Variants in ANO9 observed in about 807,000 individuals in gnomAD.
ANO9 encodes the protein anoctamin 9.
ANO9 carries 80 observed loss-of-function variants against 100.5 expected under a neutral mutation model. The observed-to-expected ratio is 0.80, with a 90% CI of 0.66 to 0.96. The LOEUF is 0.96. Ranked by LOEUF, ANO9 falls within the 40% of genes least tolerant of loss-of-function variation. ANO9 has a pLI of 0.00. For missense variants in ANO9, 1,064 were observed against 1,072.7 expected, an observed-to-expected ratio of 0.99 and a Z score of 0.11; for synonymous variants, 473 against 435.6, an observed-to-expected ratio of 1.09 and a Z score of -1.07.
Position 421,117 on chromosome 11 carries a change from G to A in ANO9, c.1392+24C>T. On this transcript the variant is annotated intron_variant, in intron 16 of 22. Coordinates refer to ENST00000332826, the MANE Select transcript of ANO9 (RefSeq NM_001012302.3). This position sits in a 1 kb window ranked among gnomAD's most constrained non-coding sequence, Gnocchi z 6.8. The stretch of plus-strand genomic sequence containing the variant: ...AGGGGAGCAGTGGCTCAGGGACAGG[G>A]CATGAAGCCTGGGGGTGACTGACCT... The A allele has an allele frequency of 6.4e-7, 1 of 1,574,762 alleles. No homozygotes were observed. The highest frequency in any genetic ancestry group is 8.7e-7 in the Non-Finnish European group (1 of 1,154,468).
Position 418,204 on chromosome 11 carries a change from C to A in ANO9, c.*167G>T, listed in dbSNP as rs972972168. Reference sequence around the variant, plus strand: ...AGAGCCCCCACAAAGACGGAGCAGGCGGAATAGGGTGGCAGCTCACAGCCC... The same window carrying A: ...AGAGCCCCCACAAAGACGGAGCAGGAGGAATAGGGTGGCAGCTCACAGCCC... On this transcript the variant is annotated 3_prime_UTR_variant, in exon 23 of 23. Transcript: ENST00000332826. The A allele has an allele frequency of 2.9e-6, 2 of 694,800 alleles. No individual in the cohort carries two copies. Among genetic ancestry groups the A allele is most frequent in the Non-Finnish European group, 4.7e-6 (2 of 426,454 alleles). The allele number at this position is 694,800 out of a possible 1,614,324, so 43.0% of individuals were successfully genotyped here.
chr11:428,403 G>A lies in ANO9; in HGVS notation c.1186-9C>T, dbSNP rs1433233470. ...GCCACGCACCTGTTGATCTGCGGAGGAGGGCACCGAATGGGCTCACTGGGG... is the reference window on the plus strand; with the variant it reads ...GCCACGCACCTGTTGATCTGCGGAGAAGGGCACCGAATGGGCTCACTGGGG... On this transcript the variant is annotated splice_polypyrimidine_tract_variant and intron_variant, in intron 13 of 22. Transcript: ENST00000332826. 2.5e-6 allele frequency: 4 copies of A among 1,612,566 alleles called. No individual in the cohort carries two copies. Among genetic ancestry groups the A allele is most frequent in the Non-Finnish European group, 3.4e-6 (4 of 1,179,954 alleles).
chr11:433,430 AAAG>A lies in ANO9; in HGVS notation c.231_233del (p.Phe78del), dbSNP rs1849183516. On this transcript the variant is annotated inframe_deletion, in exon 4 of 23. Coordinates refer to ENST00000332826, the MANE Select transcript of ANO9 (RefSeq NM_001012302.3). ...AGACACTGTTGTCAGCACGGATCCC[AAAG>A]AAGACCTGTTTCTGGTCCCGGATCA... is the stretch of plus-strand genomic sequence containing the variant. 2.5e-6 allele frequency: 4 copies of A among 1,613,120 alleles called. No homozygotes were observed. Among genetic ancestry groups the A allele is most frequent in the African/African-American group, 1.3e-5 (1 of 74,872 alleles).
At chr11:433,768 AC>A in intron 3 of ANO9, 46 bp downstream of exon 3, 1 of 1,516,138 alleles carries the variant, frequency 6.6e-7, no homozygotes, top group South Asian at 1.2e-5. Flanking sequence ...CTCGCTGGAC[AC>A]CCGCCCCGGC....
Position 418,719 on chromosome 11 carries a change from C to G in ANO9, c.2130+1G>C. 1 of 1,612,898 alleles carries G rather than the reference C, an allele frequency of 6.2e-7. No individual in the cohort carries two copies. Among genetic ancestry groups the G allele is most frequent in the Non-Finnish European group, 8.5e-7 (1 of 1,180,002 alleles). On this transcript the variant is annotated splice_donor_variant, in intron 22 of 22. Coordinates refer to ENST00000332826, the MANE Select transcript of ANO9 (RefSeq NM_001012302.3). LOFTEE classifies it high-confidence loss of function. ...CGAGGCCTCTCCCGGTTCTGGCTCA[C>G]CTCAAAGAGGATGACGAAGGCCAGG... is the stretch of plus-strand genomic sequence containing the variant.
chr11:423,699 C>T (rs7106690), intron 15 of ANO9, among the ~76,000 whole-genome samples: 119,569 of 151,748 alleles, frequency 0.79, 47,376 homozygotes, highest in East Asian at 1. Context: ...TAGAGACGTG[C>T]GGTGGGGGGT....
At position 432,070 on chromosome 11, in the gene ANO9, AG is replaced by A; in HGVS notation, c.351-17del. The A allele has an allele frequency of 1.2e-6, 2 of 1,612,638 alleles. No homozygotes were observed. The highest frequency in any genetic ancestry group is 1.7e-6 in the Non-Finnish European group (2 of 1,179,714). On this transcript the variant is annotated splice_polypyrimidine_tract_variant and intron_variant, in intron 4 of 22. Coordinates refer to ENST00000332826, the MANE Select transcript of ANO9 (RefSeq NM_001012302.3). The surrounding 1 kb of genome is among the most constrained non-coding windows in gnomAD (Gnocchi z 4.8). The stretch of plus-strand genomic sequence containing the variant: ...GATTCTGAGACTCAAGAGCCAGAGC[AG>A]GGTGGCCCCGTGTGACCACAGTGGA...
At chr11:441,642 A>T (rs1283734376) in intron 1 of ANO9, among the ~76,000 whole-genome samples, 1 of 152,132 alleles carries the variant, frequency 6.6e-6, no homozygotes, top group African/African-American at 2.4e-5. Context: ...CCCACACACT[A>T]GCTGAGAGCC....
intron 7 of ANO9, among the ~76,000 whole-genome samples, chr11:430,813 G>A (rs1447765982): frequency 1.2e-5 from 1 of 80,474 alleles, no homozygotes; most frequent in Non-Finnish European, 2.6e-5. Context: ...GGGGTGTGGG[G>A]GCGTCCGCGG....
Position 420,841 on chromosome 11 carries a change from G to A in ANO9, c.1510C>T (p.Arg504Cys). 2 of 1,590,946 alleles carry A rather than the reference G, an allele frequency of 1.3e-6. No individual in the cohort carries two copies. The highest frequency in any genetic ancestry group is 1.7e-4 in the Middle Eastern group (1 of 6,026). ...YLVPWVTHKC[R>C]SLRASESGHL... ...CCGGACTCGGAGGCCCGCAGAGAGC[G>A]GCACTTGTGGGTCACCCACCTGCGG... Residue 504 changes from arginine to cysteine, a missense_variant, in exon 18 of 23, where the codon CGC (arginine) becomes TGC (cysteine). Arg to Cys is a radical substitution (Grantham distance 180). Coordinates refer to ENST00000332826, the MANE Select transcript of ANO9 (RefSeq NM_001012302.3).
chr11:436,067 T>A (rs111667973), intron 1 of ANO9, among the ~76,000 whole-genome samples: 15 of 138,722 alleles, frequency 1.1e-4, no homozygotes, highest in African/African-American at 4.2e-4. Context: ...TCTTTCCTTT[T>A]TTTTTTTTTT....
In ANO9 at chr11:434,192, C is replaced by T. The variant is rs1230846914; in HGVS notation, c.7-94G>A. On this transcript the variant is annotated intron_variant, in intron 1 of 22. Transcript: ENST00000332826. ...GTCCCTGCAGCGGACCACATGGTCA[C>T]ACACCGTCCCTCCCCACAAGGAGAA... 3 of 1,373,584 alleles carry T rather than the reference C, an allele frequency of 2.2e-6. 1 individual carries two copies. The highest frequency in any genetic ancestry group is 2.5e-5 in the East Asian group (1 of 39,602). 85.1% of individuals were successfully genotyped at this position (1,373,584 alleles called of 1,614,324 possible).
intron 19 of ANO9, 151 bp downstream of exon 19, chr11:420,312 C>A: frequency 6.9e-7 from 1 of 1,455,146 alleles, no homozygotes; most frequent in Non-Finnish European, 9.0e-7. Context: ...AGGCTCAACC[C>A]GCATCCGAGG....
chr11:420,391 G>A, intron 19 of ANO9, 72 bp downstream of exon 19: 2 of 1,565,358 alleles, frequency 1.3e-6, no homozygotes, highest in Non-Finnish European at 1.7e-6. Context: ...AGGTGAGCCG[G>A]CCTGGCCAGC....
At chr11:433,260 T>C in intron 4 of ANO9, 54 bp downstream of exon 4, 2 of 1,589,338 alleles carry the variant, frequency 1.3e-6, no homozygotes, top group South Asian at 2.2e-5. Context: ...TCTGGACCAA[T>C]CACACAGGTG....
At position 418,464 on chromosome 11, in the gene ANO9, C is replaced by T. The variant is rs1258790786; in HGVS notation, c.2256G>A (p.Gln752=). The T allele has an allele frequency of 5.0e-6, 8 of 1,613,056 alleles. No individual in the cohort carries two copies. The highest frequency in any genetic ancestry group is 6.8e-6 in the Non-Finnish European group (8 of 1,180,008). ...AGCCTGCCCCCACCCCACCCAGCCT[C>T]TGCCTTCCATGCCACATCTTCTCAC... ...RLREKMWHGR[Q]RLGGVGAGSR... The change falls in exon 23 of 23, where the codon CAG becomes CAA. Residue 752 remains glutamine (Q), a synonymous_variant. Transcript: ENST00000332826.
chr11:423,245 C>A (rs915346102), intron 15 of ANO9, among the ~76,000 whole-genome samples: 1 of 151,996 alleles, frequency 6.6e-6, no homozygotes, highest in African/African-American at 2.4e-5. Context: ...AGCAGCTAGC[C>A]CCACCCTACA....
rs1845892628 is a variant in ANO9, at chr11:441,779, T to A, written c.6+142A>T. 18 of 1,330,738 alleles carry A rather than the reference T, an allele frequency of 1.4e-5. No homozygotes were observed. In the South Asian group the frequency reaches 2.4e-4, roughly 18 times the overall value. 82.4% of individuals were successfully genotyped at this position (1,330,738 alleles called of 1,614,324 possible). A position where few individuals can be genotyped will look rare whatever the true frequency, so the allele number is the denominator to read the frequency against. ...GCTGAGCCGGGCGGTCACCCTCGCC[T>A]GACCGGGCAGCCTGCAGGGACCCCC... is the stretch of plus-strand genomic sequence containing the variant. On this transcript the variant is annotated intron_variant, in intron 1 of 22. Transcript: ENST00000332826.
At chr11:440,601 C>G (rs117230113) in intron 1 of ANO9, 1 of 152,440 alleles carries the variant, frequency 6.6e-6, no homozygotes, top group African/African-American at 2.4e-5. Context: ...GTCAGCCTAA[C>G]ACACTACAGC....
Sources: gnomAD v4.1 joint callset for allele counts (sites outside exome capture counted in the v4.1 genomes callset) on GRCh38, gnomAD v4.1.1 for gene constraint, Gnocchi (gnomAD v3.1) non-coding constraint, MANE v1.5 for transcripts, NCBI Gene and HGNC (gene_info 2026-07-23, HGNC 2026-07-21) for gene names.